The following CCNH variants were observed in gnomAD, a reference collection of about 807,000 sequenced individuals.
The protein encoded by CCNH is cyclin-H.
In CCNH, 31 loss-of-function variants were observed where a neutral mutation model predicts 41.9. The ratio of observed to expected loss-of-function variants is 0.74; its 90% CI spans 0.56 to 1.00. CCNH has a LOEUF of 1.00. Ranked by LOEUF, CCNH falls within the 50% of genes least tolerant of loss-of-function variation. The probability of loss-of-function intolerance (pLI) is 0.00; values close to 1 mark genes in which losing one functional copy is unlikely to be tolerated. For synonymous variants in CCNH, 138 were observed against 136.1 expected (o/e 1.01, Z -0.10); for missense variants, 362 against 388.4 (o/e 0.93, Z 0.57).
At chr5:87,385,001 G>A (rs1160004406) in intron 9 of CCNH, among the ~76,000 whole-genome samples, 1 of 152,016 alleles carries the variant, frequency 6.6e-6, no homozygotes, top group East Asian at 1.9e-4. Flanking sequence ...TAAAGGTAAA[G>A]CTTTGAGGTC....
intron 9 of CCNH, among the ~76,000 whole-genome samples, chr5:87,352,319 T>C (rs28446052): frequency 4.2e-5 from 6 of 144,356 alleles, no homozygotes; most frequent in South Asian, 2.3e-4. Flanking sequence ...CACACACACA[T>C]ATATATTCTA....
downstream of CCNH, among the ~76,000 whole-genome samples, chr5:87,373,418 G>C (rs191868844): frequency 6.6e-6 from 1 of 152,066 alleles, no homozygotes; most frequent in East Asian, 1.9e-4. Context: ...CTTGGGCTTC[G>C]TTAGCTGCCA....
rs1758891342 is a variant in CCNH at position 87,346,737 on chromosome 5, TTACTTGCTTTTCTAA to T, written c.*91-27855_*91-27841del. 3 of 1,520,412 alleles carry T rather than the reference TTACTTGCTTTTCTAA, an allele frequency of 2.0e-6. No homozygotes were observed. The African/African-American group carries it at 4.1e-5, about 21-fold the overall frequency. 94.2% of individuals were successfully genotyped at this position (1,520,412 alleles called of 1,614,324 possible). On this transcript the variant is annotated intron_variant and NMD_transcript_variant, in intron 9 of 9. Transcript: ENST00000645953. ...TTACTAATGACAGGTACTTACATATTTACTTGCTTTTCTAATGTCTATTTAAAGAGAATAAAAAAG... is the reference window on the plus strand; with the variant it reads ...TTACTAATGACAGGTACTTACATATTTGTCTATTTAAAGAGAATAAAAAAG...
In CCNH at chr5:87,412,733, C is replaced by G. The variant is rs1561361246; in HGVS notation, c.62G>C (p.Arg21Thr). The G allele has an allele frequency of 6.2e-7, 1 of 1,614,122 alleles. No individual in the cohort carries two copies. The highest frequency in any genetic ancestry group is 8.5e-7 in the Non-Finnish European group (1 of 1,180,038). Residue 21 changes from arginine to threonine, a missense_variant, in exon 1 of 9, where the codon AGA becomes ACA. Transcript: ENST00000256897. ...TTTGCGGTTGGCGTCAGCCCGCAGT[C>G]TTGCCAGCTGCTCCTCGCTGGAGAA... Reference protein sequence around the residue: ...WTFSSEEQLARLRADANRKFR... With the variant: ...WTFSSEEQLATLRADANRKFR...
chr5:87,327,152 C>T (rs917729632), intron 9 of CCNH, among the ~76,000 whole-genome samples: 3 of 152,092 alleles, frequency 2.0e-5, no homozygotes, highest in African/African-American at 4.8e-5. Flanking sequence ...TGTGTTAGCT[C>T]ATTTAATAAT....
chr5:87,345,079 T>G (rs961105445), intron 9 of CCNH, among the ~76,000 whole-genome samples: 4 of 152,044 alleles, frequency 2.6e-5, no homozygotes, highest in Non-Finnish European at 5.9e-5. Context: ...GCTCAAGAGA[T>G]CCTCCTGCCT....
At chr5:87,346,603 T>G in intron 9 of CCNH, 3 of 981,304 alleles carry the variant, frequency 3.1e-6, no homozygotes, top group Non-Finnish European at 4.7e-6. Context: ...ATATTGGTTG[T>G]TTAATTTTGA....
At chr5:87,369,429 G>A (rs1193123391) in intron 9 of CCNH, among the ~76,000 whole-genome samples, 4 of 152,104 alleles carry the variant, frequency 2.6e-5, no homozygotes, top group African/African-American at 9.7e-5. Context: ...TCTCCTTAGA[G>A]ATAATTACTT....
At chr5:87,409,563 T>A (rs1764066574) in intron 2 of CCNH, among the ~76,000 whole-genome samples, 200 bp from the exon 3 acceptor site, 1 of 152,054 alleles carries the variant, frequency 6.6e-6, no homozygotes. Context: ...TTCTTTCCCA[T>A]CCTTTGCTTG....
chr5:87,401,871 T>TAA (rs1763446843), intron 5 of CCNH, 99 bp from the exon 6 acceptor site: 15 of 643,608 alleles, frequency 2.3e-5, no homozygotes, highest in Non-Finnish European at 3.7e-5. Flanking sequence ...CAAAGGCAAT[T>TAA]AAAAAATTTT....
chr5:87,361,017 T>TAC (rs1406199705), intron 9 of CCNH, among the ~76,000 whole-genome samples: 4 of 152,158 alleles, frequency 2.6e-5, no homozygotes, highest in Non-Finnish European at 5.9e-5. Flanking sequence ...GCAACACAGT[T>TAC]ACACACACAC....
chr5:87,369,541 T>A (rs1323025268), intron 9 of CCNH, among the ~76,000 whole-genome samples: 1 of 152,140 alleles, frequency 6.6e-6, no homozygotes, highest in Non-Finnish European at 1.5e-5. Flanking sequence ...TCAATCTGTT[T>A]GTAACTTTAT....
rs148031256 is a variant in CCNH, at chr5:87,394,466, C to G, written c.952G>C (p.Asp318His). ...KHEEEEWTDD[D>H]LVESL ...AATGGTTAGAGAGATTCTACCAGGT[C>G]GTCATCAGTCCATTCTTCCTAAGAA... The change falls in exon 9 of 9, where the codon GAC (aspartate) becomes CAC (histidine). Residue 318 changes from aspartate to histidine, a missense_variant. By Grantham distance (81) the Asp-to-His change is moderately conservative. Transcript: ENST00000256897. The G allele has an allele frequency of 6.2e-7, 1 of 1,613,182 alleles. No individual in the cohort carries two copies. The highest frequency in any genetic ancestry group is 8.5e-7 in the Non-Finnish European group (1 of 1,179,480).
chr5:87,390,777 C>A (rs1336177968), downstream of CCNH: 8 of 1,586,298 alleles, frequency 5.0e-6, no homozygotes, highest in South Asian at 6.6e-5. Context: ...CATTTATTTT[C>A]ATACCATTTT....
chr5:87,375,380 C>A (rs200737229), downstream of CCNH, among the ~76,000 whole-genome samples: 3 of 152,008 alleles, frequency 2.0e-5, no homozygotes, highest in East Asian at 5.8e-4. Flanking sequence ...CCTGCCTCAG[C>A]CTCCTGAGTA....
chr5:87,385,807 G>A (rs1409192700), intron 9 of CCNH, among the ~76,000 whole-genome samples: 1 of 151,922 alleles, frequency 6.6e-6, no homozygotes, highest in Non-Finnish European at 1.5e-5. Flanking sequence ...ATCATATCAT[G>A]CCTCCTGCTT....
upstream of CCNH, among the ~76,000 whole-genome samples, chr5:87,381,433 A>G (rs186376724): frequency 1.5e-4 from 23 of 152,328 alleles, no homozygotes; most frequent in Admixed American, 1.2e-3. Flanking sequence ...CAGTTTTCTA[A>G]TAATATAATT....
At chr5:87,314,558 C>T (rs1457835082), downstream of CCNH, among the ~76,000 whole-genome samples, 1 of 152,088 alleles carries the variant, frequency 6.6e-6, no homozygotes, top group Non-Finnish European at 1.5e-5. Flanking sequence ...GTCAGAGATA[C>T]TGATGAGAAG....
upstream of CCNH, among the ~76,000 whole-genome samples, chr5:87,381,409 G>A (rs1761706524): frequency 6.6e-6 from 1 of 152,122 alleles, no homozygotes; most frequent in Non-Finnish European, 1.5e-5. Context: ...ATGCGAAAGC[G>A]TCATGGAATA....
Sources: allele counts gnomAD v4.1 joint callset (sites outside exome capture counted in the v4.1 genomes callset), GRCh38; gene constraint gnomAD v4.1.1; transcripts MANE v1.5; gene names NCBI Gene and HGNC (gene_info 2026-07-23, HGNC 2026-07-21).